THSD7B: variants seen among roughly 807,000 people sequenced by gnomAD.
THSD7B encodes the protein thrombospondin type 1 domain containing 7B, also known as thrombospondin type-1 domain-containing protein 7B.
In THSD7B, 138 loss-of-function variants were observed where a neutral mutation model predicts 213.6. That is an observed-to-expected ratio of 0.65 (90% CI 0.56 to 0.74). The LOEUF is 0.74. Among genes scored for constraint, THSD7B ranks in the 30% least tolerant of loss-of-function variants. The pLI is 0.00. For synonymous variants in THSD7B, 742 were observed against 687.0 expected (o/e 1.08, Z -1.25); for missense variants, 1,931 against 1,991.5 (o/e 0.97, Z 0.58).
chr2:137,516,199 C>A, intron 15 of THSD7B, among the ~76,000 whole-genome samples: 1 of 151,976 alleles, frequency 6.6e-6, no homozygotes, highest in African/African-American at 2.4e-5. Context: ...TCACGGTGTT[C>A]CTAAAAGTGA....
rs150512780 is a variant in THSD7B at position 137,002,846 on chromosome 2, A to G, written c.140-53574A>G. On this transcript the variant is annotated intron_variant, in intron 2 of 27. Transcript: ENST00000409968. ...ATCATATTAATTCTCCATTTTATGCACAGATTTTTTCTTATACTTCTTATA... is the reference window on the plus strand; with the variant it reads ...ATCATATTAATTCTCCATTTTATGCGCAGATTTTTTCTTATACTTCTTATA... Among the ~76,000 whole-genome samples the G allele has an allele frequency of 6.8e-3, 1,038 of 152,266 alleles. 10 individuals carry two copies. The highest frequency in any genetic ancestry group is 0.024 in the African/African-American group (990 of 41,552).
intron 2 of THSD7B, among the ~76,000 whole-genome samples, chr2:136,950,277 A>AAAAAT (rs1202522575): frequency 6.6e-6 from 1 of 152,066 alleles, no homozygotes; most frequent in African/African-American, 2.4e-5. Flanking sequence ...AAATAAAAAT[A>AAAAAT]AAAATAAATA....
At chr2:137,164,828 A>G (rs1428400474) in intron 6 of THSD7B, among the ~76,000 whole-genome samples, 3 of 152,138 alleles carry the variant, frequency 2.0e-5, no homozygotes, top group African/African-American at 4.8e-5. Flanking sequence ...GGAATTGAAC[A>G]ATGAGAACAC....
At chr2:137,034,276 T>C (rs1406238960) in intron 2 of THSD7B, among the ~76,000 whole-genome samples, 1 of 152,082 alleles carries the variant, frequency 6.6e-6, no homozygotes, top group African/African-American at 2.4e-5. Flanking sequence ...ACGCTAATTT[T>C]TGTATTTTTA....
chr2:137,536,210 A>G (rs1160722518), intron 15 of THSD7B, among the ~76,000 whole-genome samples: 3 of 150,932 alleles, frequency 2.0e-5, no homozygotes, highest in Non-Finnish European at 3.0e-5. Context: ...AGTGTGTGCT[A>G]CAGATCCCAG....
intron 14 of THSD7B, among the ~76,000 whole-genome samples, chr2:137,419,965 A>C (rs1176874359): frequency 6.6e-6 from 1 of 152,154 alleles, no homozygotes; most frequent in African/African-American, 2.4e-5. Flanking sequence ...TATACTCAGT[A>C]CTGGAATTGC....
intron 27 of THSD7B, among the ~76,000 whole-genome samples, chr2:137,674,481 T>G (rs1403865649): frequency 6.6e-6 from 1 of 152,182 alleles, no homozygotes; most frequent in Admixed American, 6.5e-5. Flanking sequence ...TGTGCATGAT[T>G]TCTTAGCACC....
At chr2:136,887,300 T>TG in intron 2 of THSD7B, among the ~76,000 whole-genome samples, 1 of 148,578 alleles carries the variant, frequency 6.7e-6, no homozygotes, top group East Asian at 2.0e-4. Context: ...TCCATATTTG[T>TG]TGTGTGTGTG....
At chr2:137,331,755 G>A (rs1349528078) in intron 12 of THSD7B, among the ~76,000 whole-genome samples, 1 of 152,214 alleles carries the variant, frequency 6.6e-6, no homozygotes. Context: ...CCTGCCCCGA[G>A]GGAAGGCAGC....
intron 25 of THSD7B, among the ~76,000 whole-genome samples, chr2:137,662,242 C>CTT (rs57630973): frequency 1.1e-5 from 1 of 92,422 alleles, no homozygotes; most frequent in Admixed American, 1.2e-4. Context: ...TTTTTTTTTT[C>CTT]TTTTTTTTTT....
chr2:137,572,470 A>C lies in THSD7B; in HGVS notation c.3337A>C (p.Ile1113Leu). The change falls in exon 17 of 28, where the codon ATT becomes CTT. Residue 1113 changes from isoleucine (I) to leucine (L), a missense_variant. Physicochemically the swap from Ile to Leu is conservative, Grantham distance 5. Coordinates refer to ENST00000409968, the MANE Select transcript of THSD7B (RefSeq NM_001316349.2). ...VDSNLCNQDE[I>L]PPETQSCSLM... ...TAGCAACCTGTGCAACCAGGATGAA[A>C]TTCCCCCAGAAACCCAGTCCTGTTC... is the stretch of plus-strand genomic sequence containing the variant. 3 of 1,613,922 alleles carry C rather than the reference A, an allele frequency of 1.9e-6. No individual in the cohort carries two copies. The highest frequency in any genetic ancestry group is 2.5e-6 in the Non-Finnish European group (3 of 1,179,846).
At chr2:137,142,527 C>T (rs1219951541) in intron 5 of THSD7B, among the ~76,000 whole-genome samples, 1 of 152,064 alleles carries the variant, frequency 6.6e-6, no homozygotes, top group Middle Eastern at 3.2e-3. Context: ...AAAGATGATA[C>T]CTAAAACCTT....
intron 2 of THSD7B, among the ~76,000 whole-genome samples, chr2:137,047,445 C>T (rs553097363): frequency 2.6e-5 from 4 of 152,106 alleles, no homozygotes; most frequent in Admixed American, 1.3e-4. Flanking sequence ...GAGGAGAAAG[C>T]GCAGTGAAAG....
In THSD7B at chr2:137,677,706, T is replaced by G. The variant is rs1394293426; in HGVS notation, c.*1101T>G. ...CTTGTATTTATAACAAATAAACTGCTCAAGAGACTGCAGTGTTGGCTGTTC... is the reference window on the plus strand; with the variant it reads ...CTTGTATTTATAACAAATAAACTGCGCAAGAGACTGCAGTGTTGGCTGTTC... On this transcript the variant is annotated 3_prime_UTR_variant, in exon 28 of 28. Coordinates refer to ENST00000409968, the MANE Select transcript of THSD7B (RefSeq NM_001316349.2). 6.6e-6 allele frequency: 1 copy of G among 152,644 alleles called. No individual in the cohort carries two copies. Among genetic ancestry groups the G allele is most frequent in the African/African-American group, 2.4e-5 (1 of 41,456 alleles). The allele number at this position is 152,644 out of a possible 1,614,324, so 9.5% of individuals were successfully genotyped here.
chr2:137,235,726 A>G (rs907452484), intron 9 of THSD7B, among the ~76,000 whole-genome samples: 4 of 152,230 alleles, frequency 2.6e-5, no homozygotes, highest in Non-Finnish European at 4.4e-5. Context: ...TAAAATGTAC[A>G]TAAGTGAGAC....
At chr2:137,537,153 C>T (rs969828025) in intron 15 of THSD7B, among the ~76,000 whole-genome samples, 4 of 151,698 alleles carry the variant, frequency 2.6e-5, no homozygotes, top group Non-Finnish European at 5.9e-5. Flanking sequence ...CATCATCAAG[C>T]TTTGGTATTA....
At chr2:137,658,553 G>C (rs574881930) in intron 24 of THSD7B, among the ~76,000 whole-genome samples, 1 of 152,086 alleles carries the variant, frequency 6.6e-6, no homozygotes, top group South Asian at 2.1e-4. Flanking sequence ...GCCTGCTGTG[G>C]AGATCCCTGG....
chr2:137,061,707 A>G (rs1403636354), intron 3 of THSD7B, among the ~76,000 whole-genome samples: 1 of 151,806 alleles, frequency 6.6e-6, no homozygotes, highest in African/African-American at 2.4e-5. Context: ...ATGTGGAATA[A>G]ATCCCACTTA....
At chr2:137,598,972 C>T (rs1439145763) in intron 17 of THSD7B, among the ~76,000 whole-genome samples, 1 of 149,952 alleles carries the variant, frequency 6.7e-6, no homozygotes, top group Non-Finnish European at 1.5e-5. Context: ...CACGCTGGTG[C>T]ACTGCACCCA....
Sources: allele counts gnomAD v4.1 joint callset (sites outside exome capture counted in the v4.1 genomes callset), GRCh38; gene constraint gnomAD v4.1.1; transcripts MANE v1.5; gene names NCBI Gene and HGNC (gene_info 2026-07-23, HGNC 2026-07-21).